TMEM245: variants seen among roughly 807,000 people sequenced by gnomAD.
TMEM245 encodes the protein protein CG-2.
TMEM245 carries 69 observed loss-of-function variants against 101.2 expected under a neutral mutation model. The observed-to-expected ratio is 0.68, with a 90% CI of 0.56 to 0.83. The LOEUF is 0.83. TMEM245 is among the 40% of genes least tolerant of loss of function. The pLI, the probability that TMEM245 is intolerant of heterozygous loss-of-function variation, is 0.00. For missense variants in TMEM245, 1,075 were observed against 1,092.8 expected, an observed-to-expected ratio of 0.98 and a Z score of 0.23; for synonymous variants, 537 against 449.8, an observed-to-expected ratio of 1.19 and a Z score of -2.45.
intron 6 of TMEM245, 134 bp from the exon 7 acceptor site, chr9:109,086,154 G>A (rs1037649348): frequency 8.4e-6 from 7 of 836,004 alleles, no homozygotes; most frequent in South Asian, 3.4e-5. Flanking sequence ...AACTAGGGAC[G>A]GAAAAACTGT....
chr9:109,106,985 G>T (rs1830444378), intron 2 of TMEM245, among the ~76,000 whole-genome samples: 1 of 151,948 alleles, frequency 6.6e-6, no homozygotes. Context: ...GTCTGCCTTG[G>T]TTTCTTGAAA....
At chr9:109,024,355 G>A (rs762241681) in intron 17 of TMEM245, among the ~76,000 whole-genome samples, 2 of 152,152 alleles carry the variant, frequency 1.3e-5, no homozygotes, top group Non-Finnish European at 2.9e-5. Context: ...TCAGCCTCAA[G>A]GTTGTATTCT....
At chr9:109,077,094 T>A (rs1474264671) in intron 8 of TMEM245, among the ~76,000 whole-genome samples, 4 of 151,182 alleles carry the variant, frequency 2.6e-5, no homozygotes, top group African/African-American at 9.7e-5. Flanking sequence ...ATATATAATA[T>A]AAAAGAATAT....
intron 14 of TMEM245, among the ~76,000 whole-genome samples, chr9:109,049,056 G>A (rs763992093): frequency 1.3e-5 from 2 of 152,214 alleles, no homozygotes; most frequent in African/African-American, 2.4e-5. Context: ...AAAGAAGTTG[G>A]AGATGGGGGT....
At chr9:109,053,209 TG>T (rs1210384256) in intron 12 of TMEM245, among the ~76,000 whole-genome samples, 1 of 152,178 alleles carries the variant, frequency 6.6e-6, no homozygotes, top group African/African-American at 2.4e-5. Context: ...GCGGATCAGT[TG>T]AAGCCAGGAG....
chr9:109,119,581 G>GCGCTGCAGC lies in TMEM245; in HGVS notation c.324_332dup (p.Gln110_Leu112dup). On this transcript the variant is annotated inframe_insertion, in exon 1 of 18. Coordinates refer to ENST00000374586, the MANE Select transcript of TMEM245 (RefSeq NM_032012.4). ...CGATGGGCGTGTGCGCGCGGTGCAG[G>GCGCTGCAGC]CGCTGCAGCCAGTGGCGGCCCAGGC... The GCGCTGCAGC allele has an allele frequency of 1.9e-6, 3 of 1,547,112 alleles. No homozygotes were observed. Among genetic ancestry groups the GCGCTGCAGC allele is most frequent in the Non-Finnish European group, 2.6e-6 (3 of 1,150,830 alleles).
At chr9:109,033,013 G>A (rs1828010240) in intron 17 of TMEM245, among the ~76,000 whole-genome samples, 1 of 152,040 alleles carries the variant, frequency 6.6e-6, no homozygotes, top group South Asian at 2.1e-4. Flanking sequence ...TGGCCAGGCT[G>A]GGCTCGAACT....
intron 12 of TMEM245, among the ~76,000 whole-genome samples, chr9:109,054,156 C>T (rs1220826146): frequency 6.6e-6 from 1 of 152,118 alleles, no homozygotes; most frequent in Non-Finnish European, 1.5e-5. Flanking sequence ...CATAGCAAGA[C>T]CCCATCTCTG....
At chr9:109,065,274 T>A (rs1292451525) in intron 9 of TMEM245, among the ~76,000 whole-genome samples, 2 of 152,178 alleles carry the variant, frequency 1.3e-5, no homozygotes, top group African/African-American at 4.8e-5. Context: ...ACCAGCAGCA[T>A]CAGAACTTTT....
chr9:109,094,495 T>C (rs527265184), intron 3 of TMEM245, among the ~76,000 whole-genome samples: 2 of 152,276 alleles, frequency 1.3e-5, no homozygotes, highest in South Asian at 4.1e-4. Context: ...CAGGAAGGCA[T>C]ATGGTTTTTC....
intron 15 of TMEM245, among the ~76,000 whole-genome samples, chr9:109,037,534 T>C (rs1414053965): frequency 6.6e-6 from 1 of 152,130 alleles, no homozygotes; most frequent in Non-Finnish European, 1.5e-5. Flanking sequence ...TGATAGTGAA[T>C]GAATGAGTTA....
Position 109,087,289 on chromosome 9 carries a change from T to C in TMEM245, c.1204A>G (p.Lys402Glu), listed in dbSNP as rs1319365831. Residue 402 changes from lysine to glutamate, a missense_variant, in exon 6 of 18, where the codon AAA (lysine) becomes GAA (glutamate). This residue lies in a region of TMEM245 where 808 missense variants were observed against 741.5 expected (regional missense o/e 1.09). Coordinates refer to ENST00000374586, the MANE Select transcript of TMEM245 (RefSeq NM_032012.4). ...ATGCCCCACCACACATGGTAGCGTT[T>C]CTCTAGGAAATCCACAACTCCAAAG... ...IHFGVVDFLE[K>E]RYHVWWGIIE... The C allele has an allele frequency of 1.2e-6, 2 of 1,613,054 alleles. No individual in the cohort carries two copies. The highest frequency in any genetic ancestry group is 2.7e-5 in the African/African-American group (2 of 74,820).
intron 17 of TMEM245, among the ~76,000 whole-genome samples, chr9:109,032,807 C>CTTTTTT (rs568749155): frequency 4.9e-5 from 6 of 123,158 alleles, no homozygotes; most frequent in Admixed American, 1.8e-4. Context: ...CAATATAGGT[C>CTTTTTT]TTTTTTTTTT....
At chr9:109,026,889 G>A (rs979217445) in intron 17 of TMEM245, among the ~76,000 whole-genome samples, 1 of 151,938 alleles carries the variant, frequency 6.6e-6, no homozygotes, top group East Asian at 1.9e-4. Context: ...CTCTCCATGT[G>A]ACACACCTGC....
At chr9:109,099,295 T>C (rs1830223403) in intron 3 of TMEM245, among the ~76,000 whole-genome samples, 1 of 152,196 alleles carries the variant, frequency 6.6e-6, no homozygotes. Context: ...AGGGGAGCAG[T>C]AAAACATTTG....
At chr9:109,047,246 T>C (rs913745914) in intron 14 of TMEM245, among the ~76,000 whole-genome samples, 1 of 152,214 alleles carries the variant, frequency 6.6e-6, no homozygotes, top group Admixed American at 6.5e-5. Flanking sequence ...CAGTATACTA[T>C]GGAACCAAGA....
chr9:109,057,175 A>G lies in TMEM245; in HGVS notation c.1854+16T>C, dbSNP rs2132419458. 1.9e-6 allele frequency: 3 copies of G among 1,608,378 alleles called. No homozygotes were observed. The highest frequency in any genetic ancestry group is 2.5e-6 in the Non-Finnish European group (3 of 1,177,088). On this transcript the variant is annotated intron_variant, in intron 12 of 17. Transcript: ENST00000374586. Reference sequence around the variant, plus strand: ...TTATTTTGAACTTCAGCTTAACTATAAATGCTATTTCTTACCGAAAGAAAT... The same window carrying G: ...TTATTTTGAACTTCAGCTTAACTATGAATGCTATTTCTTACCGAAAGAAAT...
At position 109,018,407 on chromosome 9, in the gene TMEM245, T is replaced by C. The variant is rs994551380; in HGVS notation, c.*2053A>G. The C allele has an allele frequency of 2.0e-5, 3 of 152,180 alleles. No homozygotes were observed. The highest frequency in any genetic ancestry group is 4.4e-5 in the Non-Finnish European group (3 of 68,026). 9.4% of individuals were successfully genotyped at this position (152,180 alleles called of 1,614,324 possible). On this transcript the variant is annotated 3_prime_UTR_variant, in exon 18 of 18. Transcript: ENST00000374586. The stretch of plus-strand genomic sequence containing the variant: ...TAGAGTTTAGCCAACTCTCAACAAA[T>C]GTTTTAGTGAATGAATGAATGATTG...
chr9:109,115,522 C>CTTT (rs752894720), intron 1 of TMEM245, among the ~76,000 whole-genome samples: 2,685 of 67,228 alleles, frequency 0.04, 389 homozygotes, highest in African/African-American at 0.13. Context: ...TAACTGGAAT[C>CTTT]TTTTTTTTTT....
Sources: allele counts gnomAD v4.1 joint callset (sites outside exome capture counted in the v4.1 genomes callset), GRCh38; gene constraint gnomAD v4.1.1; regional missense constraint gnomAD v4.1.1; transcripts MANE v1.5; gene names NCBI Gene and HGNC (gene_info 2026-07-23, HGNC 2026-07-21).